The following MBNL2 variants were observed in gnomAD, a reference collection of about 807,000 sequenced individuals.
MBNL2 encodes muscleblind-like protein 2.
A neutral mutation model predicts 41.9 loss-of-function variants in MBNL2; 17 were observed. That is an observed-to-expected ratio of 0.41 (90% CI 0.28 to 0.61). The LOEUF (loss-of-function observed/expected upper bound fraction) is 0.61, where lower values mean the gene tolerates loss of function less well. MBNL2 is among the 20% of genes least tolerant of loss of function. MBNL2 has a pLI of 0.35. For synonymous variants in MBNL2, 195 were observed against 182.9 expected (o/e 1.07, Z -0.53); for missense variants, 336 against 505.6 (o/e 0.66, Z 3.22).
chr13:97,364,766 T>C (rs1221526911), intron 7 of MBNL2, among the ~76,000 whole-genome samples: 1 of 152,176 alleles, frequency 6.6e-6, no homozygotes, highest in Non-Finnish European at 1.5e-5. Context: ...ATGCCTCAGA[T>C]TTTTCATCTG....
chr13:97,249,752 T>G (rs2046162255), intron 1 of MBNL2, among the ~76,000 whole-genome samples: 1 of 152,162 alleles, frequency 6.6e-6, no homozygotes, highest in South Asian at 2.1e-4. Context: ...TCTGAGAAGG[T>G]TTTTCATTTT....
At chr13:97,309,046 G>A (rs1265667779) in intron 2 of MBNL2, among the ~76,000 whole-genome samples, 1 of 152,162 alleles carries the variant, frequency 6.6e-6, no homozygotes, top group Non-Finnish European at 1.5e-5. Context: ...TAGGCGCAGA[G>A]GCAGAAAAGT....
chr13:97,321,758 G>A (rs7325854), intron 2 of MBNL2, among the ~76,000 whole-genome samples: 6,897 of 152,232 alleles, frequency 0.045, 505 homozygotes, highest in African/African-American at 0.16. Context: ...AAGTTCCATC[G>A]TGAGTTTCTT....
At chr13:97,328,825 TG>T (rs1292198398) in intron 2 of MBNL2, among the ~76,000 whole-genome samples, 2 of 152,328 alleles carry the variant, frequency 1.3e-5, no homozygotes, top group Non-Finnish European at 2.9e-5. Context: ...TTTTCTTTTT[TG>T]TGCCCATATT....
At chr13:97,263,960 G>A (rs187078349) in intron 1 of MBNL2, among the ~76,000 whole-genome samples, 100 of 150,176 alleles carry the variant, frequency 6.7e-4, no homozygotes, top group South Asian at 4.2e-3. Flanking sequence ...TAGTATAATC[G>A]AATTTTTCAA....
chr13:97,339,870 T>TGGG (rs1555316674), intron 3 of MBNL2, among the ~76,000 whole-genome samples: 3 of 80,484 alleles, frequency 3.7e-5, no homozygotes, highest in African/African-American at 1.3e-4. Flanking sequence ...GATTTGTGTG[T>TGGG]GGGCGGGGGG....
intron 1 of MBNL2, among the ~76,000 whole-genome samples, chr13:97,238,308 T>C (rs986361124): frequency 6.6e-6 from 1 of 152,098 alleles, no homozygotes; most frequent in Non-Finnish European, 1.5e-5. Flanking sequence ...TGGGAAAGCC[T>C]TACATTGAAG....
In MBNL2 at chr13:97,334,519, C is replaced by T. The variant is rs1018908061; in HGVS notation, c.339+79C>T. The T allele has an allele frequency of 1.0e-5, 10 of 1,000,002 alleles. No individual in the cohort carries two copies. The highest frequency in any genetic ancestry group is 1.3e-5 in the Non-Finnish European group (9 of 703,530). 61.9% of individuals were successfully genotyped at this position (1,000,002 alleles called of 1,614,324 possible). A position where few individuals can be genotyped will look rare whatever the true frequency, so the allele number is the denominator to read the frequency against. On this transcript the variant is annotated intron_variant, in intron 3 of 8. Transcript: ENST00000679496. The surrounding 1 kb of genome is among the most constrained non-coding windows in gnomAD (Gnocchi z 5.3). ...TGATGCCACGTTGACCTAGGGTGGCCTCTCTCCACTTTGTCACTTTGGTTA... is the reference window on the plus strand; with the variant it reads ...TGATGCCACGTTGACCTAGGGTGGCTTCTCTCCACTTTGTCACTTTGGTTA...
chr13:97,349,033 G>C (rs754866191), intron 5 of MBNL2, among the ~76,000 whole-genome samples: 3 of 152,184 alleles, frequency 2.0e-5, no homozygotes, highest in Admixed American at 1.3e-4. Context: ...CACTGGCCTC[G>C]TCATCTAAAT....
chr13:97,343,103 T>C lies in MBNL2; in HGVS notation c.427T>C (p.Leu143=), dbSNP rs140460286. 78 of 1,613,460 alleles carry C rather than the reference T, an allele frequency of 4.8e-5. No individual in the cohort carries two copies. The highest frequency in any genetic ancestry group is 6.4e-5 in the Non-Finnish European group (75 of 1,179,528). The change falls in exon 4 of 9, where the codon TTG becomes CTG. Residue 143 remains leucine, a synonymous_variant. Coordinates refer to ENST00000679496, the MANE Select transcript of MBNL2 (RefSeq NM_001382683.1). The part of the protein sequence containing the change: ...YLAPVTPGVG[L]VPTEILPTTP... ...AGCACCTGTAACCCCTGGAGTTGGG[T>C]TGGTCCCAACGGAAATTCTGCCCAC...
intron 8 of MBNL2, among the ~76,000 whole-genome samples, chr13:97,381,090 CCT>C (rs1413478560): frequency 6.7e-6 from 1 of 148,538 alleles, no homozygotes; most frequent in Non-Finnish European, 1.5e-5. Context: ...CCTCTCTGTC[CCT>C]CTCTTTCTCT....
At chr13:97,229,187 A>G (rs1431164568) in intron 1 of MBNL2, among the ~76,000 whole-genome samples, 8 of 150,264 alleles carry the variant, frequency 5.3e-5, no homozygotes, top group African/African-American at 2.5e-5. Context: ...TTGATGCAAT[A>G]TATATTGTCT....
the MBNL2 span, among the ~76,000 whole-genome samples, chr13:97,148,719 A>G: frequency 3.3e-5 from 5 of 152,216 alleles, no homozygotes; most frequent in African/African-American, 9.6e-5. Flanking sequence ...TCCATGGGAA[A>G]TATCAATATA....
chr13:97,160,571 CAT>C, the MBNL2 span, among the ~76,000 whole-genome samples: 3 of 152,146 alleles, frequency 2.0e-5, no homozygotes, highest in Non-Finnish European at 2.9e-5. Context: ...CACACACACA[CAT>C]GCACACACAC....
rs760910741 is a variant in MBNL2, at chr13:97,347,056, G to T, written c.793G>T (p.Ala265Ser). The change falls in exon 5 of 9, where the codon GCC becomes TCC. Residue 265 changes from alanine (A) to serine (S), a missense_variant. Ala to Ser is a moderately conservative substitution (Grantham distance 99, BLOSUM62 1). Coordinates refer to ENST00000679496, the MANE Select transcript of MBNL2 (RefSeq NM_001382683.1). The part of the protein sequence containing the change: ...AVAAQAAAAA[A>S]TVMTQSTAKA... ...GGCCGCCCAGGCAGCCGCGGCCGCGGCCACAGTCATGGTAAGTGCGGCCGC... is the reference window on the plus strand; with the variant it reads ...GGCCGCCCAGGCAGCCGCGGCCGCGTCCACAGTCATGGTAAGTGCGGCCGC... The T allele has an allele frequency of 5.6e-6, 9 of 1,601,124 alleles. No homozygotes were observed. Among genetic ancestry groups the T allele is most frequent in the Non-Finnish European group, 7.7e-6 (9 of 1,174,832 alleles).
chr13:97,214,354 C>T, the MBNL2 span, among the ~76,000 whole-genome samples: 1 of 152,198 alleles, frequency 6.6e-6, no homozygotes, highest in African/African-American at 2.4e-5. Context: ...GTCTCAAACC[C>T]AATTTCCTAC....
the MBNL2 span, among the ~76,000 whole-genome samples, chr13:97,202,165 CA>C: frequency 1.3e-3 from 205 of 152,208 alleles, no homozygotes; most frequent in Non-Finnish European, 1.9e-3. Flanking sequence ...GGATTTACTT[CA>C]AAATAACATT....
At chr13:97,156,716 C>T in the MBNL2 span, among the ~76,000 whole-genome samples, 10 of 149,004 alleles carry the variant, frequency 6.7e-5, no homozygotes, top group African/African-American at 1.7e-4. Context: ...AGATATGCGG[C>T]GTTATTTCTG....
At chr13:97,260,829 C>G (rs532880004) in intron 1 of MBNL2, among the ~76,000 whole-genome samples, 21 of 152,298 alleles carry the variant, frequency 1.4e-4, no homozygotes, top group African/African-American at 5.1e-4. Context: ...TCCACCTTCC[C>G]CATCCACAGA....
Sources: gnomAD v4.1 joint callset for allele counts (sites outside exome capture counted in the v4.1 genomes callset) on GRCh38, gnomAD v4.1.1 for gene constraint, Gnocchi (gnomAD v3.1) non-coding constraint, MANE v1.5 for transcripts, NCBI Gene and HGNC (gene_info 2026-07-23, HGNC 2026-07-21) for gene names.